AGT: variants seen among roughly 807,000 people sequenced by gnomAD.
The protein encoded by AGT is angiotensinogen, also known as alpha-1 antiproteinase, antitrypsin.
Under a neutral mutation model 28.1 loss-of-function variants are expected in AGT, and 26 were observed. The observed-to-expected ratio is 0.92, with a 90% CI of 0.68 to 1.28. AGT has a LOEUF of 1.28. Among genes scored for constraint, AGT ranks in the 50% most tolerant of loss-of-function variants. The probability of loss-of-function intolerance (pLI) is 0.00; values close to 1 mark genes in which losing one functional copy is unlikely to be tolerated. For missense variants in AGT, 596 were observed against 592.3 expected, an observed-to-expected ratio of 1.01 and a Z score of -0.06; for synonymous variants, 259 against 259.6, an observed-to-expected ratio of 1.00 and a Z score of 0.02.
intron 1 of AGT, among the ~76,000 whole-genome samples, chr1:230,740,347 C>A (rs958685124): frequency 2.0e-5 from 3 of 152,018 alleles, no homozygotes; most frequent in African/African-American, 7.3e-5. Flanking sequence ...TGTGACCTGC[C>A]GACCTCCTAT....
intron 1 of AGT, among the ~76,000 whole-genome samples, chr1:230,722,170 A>G (rs751624258): frequency 6.6e-6 from 1 of 152,246 alleles, no homozygotes; most frequent in African/African-American, 2.4e-5. Context: ...AGCTCAGGCC[A>G]TTGCTTCAGA....
chr1:230,722,424 T>C (rs780610061), intron 1 of AGT, among the ~76,000 whole-genome samples: 6 of 152,226 alleles, frequency 3.9e-5, no homozygotes, highest in Non-Finnish European at 8.8e-5. Context: ...CTAGTGGAAC[T>C]GTGAGAAGAC....
chr1:230,710,772 A>G lies in AGT; in HGVS notation c.52T>C (p.Trp18Arg). 5.6e-6 allele frequency: 9 copies of G among 1,614,178 alleles called. No individual in the cohort carries two copies. The highest frequency in any genetic ancestry group is 7.6e-6 in the Non-Finnish European group (9 of 1,180,016). Residue 18 changes from tryptophan (W) to arginine (R), a missense_variant, in exon 2 of 5, where the codon TGG becomes CGG. By Grantham distance (101) the Trp-to-Arg change is moderately radical. Coordinates refer to ENST00000366667, the MANE Select transcript of AGT (RefSeq NM_001384479.1). ...CGGTCACCTGCAGCCAGGCCAGCCC[A>G]GGCCAGGAGGCAGAGGATGGTGGCC... Reference protein sequence around the residue: ...LRATILCLLAWAGLAAGDRVY... With the variant: ...LRATILCLLARAGLAAGDRVY...
intron 1 of AGT, among the ~76,000 whole-genome samples, chr1:230,712,894 C>T (rs952567496): frequency 6.6e-6 from 1 of 152,168 alleles, no homozygotes; most frequent in Non-Finnish European, 1.5e-5. Context: ...GCCTCTTGGC[C>T]AGCACCTGCC....
At chr1:230,740,647 AT>A (rs149375675) in intron 1 of AGT, among the ~76,000 whole-genome samples, 10,606 of 152,020 alleles carry the variant, frequency 0.07, 558 homozygotes, top group Admixed American at 0.15. Flanking sequence ...AAGAGATAAT[AT>A]TTTTTTTAAT....
chr1:230,723,071 C>T (rs999861825), intron 1 of AGT, among the ~76,000 whole-genome samples: 10 of 152,164 alleles, frequency 6.6e-5, no homozygotes, highest in South Asian at 2.1e-4. Context: ...ATCATGGGGA[C>T]GATTTCCCCT....
chr1:230,725,917 A>C (rs1408031613), intron 1 of AGT, among the ~76,000 whole-genome samples: 1 of 152,082 alleles, frequency 6.6e-6, no homozygotes, highest in African/African-American at 2.4e-5. Flanking sequence ...AAATGACTGA[A>C]CATCATCATG....
intron 1 of AGT, among the ~76,000 whole-genome samples, chr1:230,728,401 A>G (rs1374365427): frequency 2.0e-5 from 3 of 152,120 alleles, no homozygotes; most frequent in African/African-American, 7.2e-5. Context: ...GTCTATCATC[A>G]TTTAAACTAT....
intron 3 of AGT, 93 bp from the exon 4 acceptor site, chr1:230,704,430 C>T: frequency 2.0e-6 from 3 of 1,495,538 alleles, no homozygotes. Flanking sequence ...GCACCCAACC[C>T]TGACGACAGG....
chr1:230,739,461 A>G (rs530576371), intron 1 of AGT, among the ~76,000 whole-genome samples: 2 of 152,266 alleles, frequency 1.3e-5, no homozygotes, highest in African/African-American at 4.8e-5. Flanking sequence ...ATGGTGTGGC[A>G]GAGTCTGCAG....
intron 1 of AGT, among the ~76,000 whole-genome samples, chr1:230,711,574 G>A (rs572967675): frequency 2.0e-5 from 3 of 152,140 alleles, no homozygotes; most frequent in East Asian, 1.9e-4. Context: ...ATGCTCATTC[G>A]AGGGCCCTAG....
At chr1:230,712,629 C>T (rs887503685) in intron 1 of AGT, among the ~76,000 whole-genome samples, 1 of 152,204 alleles carries the variant, frequency 6.6e-6, no homozygotes, top group Non-Finnish European at 1.5e-5. Flanking sequence ...GCCAACTGTT[C>T]GGGGTTTGGA....
At chr1:230,721,245 T>G (rs1663837853) in intron 1 of AGT, among the ~76,000 whole-genome samples, 1 of 152,238 alleles carries the variant, frequency 6.6e-6, no homozygotes. Flanking sequence ...CTAACCCTTC[T>G]TCCTCCTTCA....
At chr1:230,733,144 A>T (rs1476014678) in intron 1 of AGT, among the ~76,000 whole-genome samples, 2 of 151,978 alleles carry the variant, frequency 1.3e-5, no homozygotes, top group African/African-American at 2.4e-5. Context: ...TTAGCCAGGC[A>T]TGGTGGCGCA....
At chr1:230,740,108 C>A (rs1664221164) in intron 1 of AGT, among the ~76,000 whole-genome samples, 1 of 152,150 alleles carries the variant, frequency 6.6e-6, no homozygotes, top group African/African-American at 2.4e-5. Context: ...GCTTCCTCTC[C>A]TTTTTAGACT....
At chr1:230,707,700 G>A (rs3789667) in intron 2 of AGT, among the ~76,000 whole-genome samples, 39,752 of 152,024 alleles carry the variant, frequency 0.26, 5,570 homozygotes, top group African/African-American at 0.36. Context: ...AGGGGGGAAA[G>A]GGACAATTCT....
intron 2 of AGT, among the ~76,000 whole-genome samples, chr1:230,709,515 G>A (rs1034543925): frequency 9.2e-5 from 14 of 151,940 alleles, no homozygotes; most frequent in Non-Finnish European, 1.3e-4. Context: ...AGGGATTTAA[G>A]CAAGCCAATT....
At chr1:230,714,236 G>C (rs1035082701), upstream of AGT, 1 of 152,328 alleles carries the variant, frequency 6.6e-6, no homozygotes. Flanking sequence ...CAGACCACAG[G>C]CTGGCCAGAA....
At chr1:230,707,337 T>C (rs1323304707) in intron 2 of AGT, among the ~76,000 whole-genome samples, 1 of 152,166 alleles carries the variant, frequency 6.6e-6, no homozygotes, top group Non-Finnish European at 1.5e-5. Flanking sequence ...TAGGGTGAAG[T>C]TGTGTATAAG....
Sources: allele counts gnomAD v4.1 joint callset (sites outside exome capture counted in the v4.1 genomes callset), GRCh38; gene constraint gnomAD v4.1.1; transcripts MANE v1.5; gene names NCBI Gene and HGNC (gene_info 2026-07-23, HGNC 2026-07-21).